KIF9: variants seen among roughly 807,000 people sequenced by gnomAD.
KIF9 encodes the protein kinesin family member 9.
A neutral mutation model predicts 94.8 loss-of-function variants in KIF9; 68 were observed. That is an observed-to-expected ratio of 0.72 (90% CI 0.59 to 0.88). The LOEUF is 0.88. KIF9 is among the 40% of genes least tolerant of loss of function. KIF9 has a pLI of 0.00. For synonymous variants in KIF9, 343 were observed against 362.1 expected (o/e 0.95, Z 0.60); for missense variants, 882 against 982.5 (o/e 0.90, Z 1.37).
At chr3:47,247,080 C>A (rs1699971780) in intron 12 of KIF9, among the ~76,000 whole-genome samples, 1 of 152,208 alleles carries the variant, frequency 6.6e-6, no homozygotes, top group Middle Eastern at 3.2e-3. Context: ...CTGTTTCCCT[C>A]CCCACTAGGC....
In KIF9 at chr3:47,273,918, G is replaced by A. The variant is rs146235857; in HGVS notation, c.260-260C>T. On this transcript the variant is annotated intron_variant, in intron 3 of 20. Coordinates refer to ENST00000684063, the MANE Select transcript of KIF9 (RefSeq NM_182902.4). The stretch of plus-strand genomic sequence containing the variant: ...TGTTCCCTCCACCAAGAGATGATCC[G>A]GCCCTAGGGCTTCTGAGAAGGACAG... Among the ~76,000 whole-genome samples, 38 of 152,264 alleles carry A rather than the reference G, an allele frequency of 2.5e-4. No homozygotes were observed. In the East Asian group the frequency reaches 4.8e-3, roughly 19 times the overall value.
At chr3:47,231,345 C>T (rs565367689) in intron 20 of KIF9, among the ~76,000 whole-genome samples, 2 of 149,924 alleles carry the variant, frequency 1.3e-5, no homozygotes, top group South Asian at 4.2e-4. Context: ...GGACTAGCAG[C>T]ATGGACATCA....
chr3:47,278,759 G>T (rs761756887), intron 1 of KIF9, among the ~76,000 whole-genome samples: 1 of 152,022 alleles, frequency 6.6e-6, no homozygotes, highest in African/African-American at 2.4e-5. Context: ...ATTACCTGAG[G>T]TCAGGAGTTC....
At chr3:47,261,389 T>C (rs541019707) in intron 9 of KIF9, among the ~76,000 whole-genome samples, 7 of 152,306 alleles carry the variant, frequency 4.6e-5, no homozygotes, top group Admixed American at 3.3e-4. Context: ...TGGAGGCCTA[T>C]GAGGCAGCTA....
At position 47,246,453 on chromosome 3, in the gene KIF9, T is replaced by G. The variant is rs1575978091; in HGVS notation, c.1234-201A>C. 4 of 371,506 alleles carry G rather than the reference T, an allele frequency of 1.1e-5. No individual in the cohort carries two copies. The East Asian group carries it at 1.6e-4, about 15-fold the overall frequency. 23.0% of individuals were successfully genotyped at this position (371,506 alleles called of 1,614,324 possible). On this transcript the variant is annotated intron_variant, in intron 12 of 20. Coordinates refer to ENST00000684063, the MANE Select transcript of KIF9 (RefSeq NM_182902.4). ...CAGAGAAACACCTGATTAATAATTT[T>G]AAAACTAAGTATTTGCTGAGGCTAT... is the stretch of plus-strand genomic sequence containing the variant.
intron 11 of KIF9, among the ~76,000 whole-genome samples, 191 bp downstream of exon 11, chr3:47,247,827 T>C (rs922374453): frequency 3.9e-5 from 6 of 152,096 alleles, no homozygotes; most frequent in African/African-American, 1.2e-4. Context: ...CTCAGGACCG[T>C]TGGAGGACTC....
intron 10 of KIF9, among the ~76,000 whole-genome samples, chr3:47,255,670 G>C (rs546298627): frequency 1.4e-4 from 22 of 152,248 alleles, no homozygotes; most frequent in Non-Finnish European, 2.4e-4. Flanking sequence ...GTCTAGGGTA[G>C]AGCCTGAAGA....
chr3:47,277,150 T>A, intron 2 of KIF9, 132 bp downstream of exon 2: 2 of 484,744 alleles, frequency 4.1e-6, no homozygotes, highest in Non-Finnish European at 7.4e-6. Flanking sequence ...TTGGATTTGA[T>A]GGGCTCTAGA....
At chr3:47,245,580 G>T in intron 13 of KIF9, 69 bp from the exon 14 acceptor site, 1 of 1,194,560 alleles carries the variant, frequency 8.4e-7, no homozygotes, top group Non-Finnish European at 1.3e-6. Context: ...CAAGAACCAA[G>T]TACTGGGGTT....
At chr3:47,264,950 T>C (rs546422851) in intron 8 of KIF9, among the ~76,000 whole-genome samples, 1 of 152,336 alleles carries the variant, frequency 6.6e-6, no homozygotes, top group South Asian at 2.1e-4. Context: ...AAGGTAGCCA[T>C]CTGCAAGCCA....
intron 9 of KIF9, among the ~76,000 whole-genome samples, chr3:47,261,771 A>G (rs548407162): frequency 7.9e-5 from 12 of 152,326 alleles, no homozygotes; most frequent in Non-Finnish European, 1.3e-4. Context: ...GCTGGCTCAC[A>G]GCGAGCCCTC....
At chr3:47,245,022 G>C in intron 14 of KIF9, 98 bp from the exon 15 acceptor site, 1 of 1,496,988 alleles carries the variant, frequency 6.7e-7, no homozygotes, top group East Asian at 2.3e-5. Flanking sequence ...GGGTGGACAT[G>C]TTCACCATAC....
chr3:47,232,786 T>C (rs980258392), intron 20 of KIF9, among the ~76,000 whole-genome samples: 3 of 146,392 alleles, frequency 2.0e-5, no homozygotes, highest in Non-Finnish European at 3.0e-5. Flanking sequence ...ATCGAGACCA[T>C]CCTAGCTAAC....
At chr3:47,268,276 G>A (rs992294542) in intron 5 of KIF9, among the ~76,000 whole-genome samples, 2 of 152,152 alleles carry the variant, frequency 1.3e-5, no homozygotes, top group Admixed American at 1.3e-4. Flanking sequence ...TAGAGACAGG[G>A]TGGTGGTGTG....
At chr3:47,278,952 AC>A (rs1409457882) in intron 1 of KIF9, among the ~76,000 whole-genome samples, 2 of 152,138 alleles carry the variant, frequency 1.3e-5, no homozygotes, top group East Asian at 3.9e-4. Flanking sequence ...AGCCTGGGCG[AC>A]AGAGAGGGAC....
At chr3:47,273,846 A>T (rs1439644982) in intron 3 of KIF9, among the ~76,000 whole-genome samples, 188 bp from the exon 4 acceptor site, 1 of 152,254 alleles carries the variant, frequency 6.6e-6, no homozygotes, top group African/African-American at 2.4e-5. Context: ...AAAAGTGGTC[A>T]AAACAAGGAC....
intron 7 of KIF9, among the ~76,000 whole-genome samples, chr3:47,266,399 T>C (rs997296813): frequency 6.6e-6 from 1 of 152,134 alleles, no homozygotes. Flanking sequence ...ATCCCAGCAC[T>C]TTGGGAGGCC....
At chr3:47,241,861 T>TATATACAC (rs199589606) in intron 16 of KIF9, among the ~76,000 whole-genome samples, 184 of 120,114 alleles carry the variant, frequency 1.5e-3, no homozygotes, top group Middle Eastern at 0.013. Flanking sequence ...TATATATATA[T>TATATACAC]ACACATATAT....
intron 3 of KIF9, 187 bp downstream of exon 3, chr3:47,275,138 C>T (rs1701878217): frequency 1.8e-6 from 1 of 555,434 alleles, no homozygotes. Context: ...GGTAGAATCC[C>T]AGGACATTGG....
Sources: gnomAD v4.1 joint callset for allele counts (sites outside exome capture counted in the v4.1 genomes callset) on GRCh38, gnomAD v4.1.1 for gene constraint, MANE v1.5 for transcripts, NCBI Gene and HGNC (gene_info 2026-07-23, HGNC 2026-07-21) for gene names.